The following SAE1 variants were observed in gnomAD, a reference collection of about 807,000 sequenced individuals.
SAE1 encodes the protein SUMO1 activating enzyme subunit 1.
A neutral mutation model predicts 40.6 loss-of-function variants in SAE1; 11 were observed. The observed-to-expected ratio is 0.27, with a 90% CI of 0.17 to 0.45. SAE1 has a LOEUF of 0.45. SAE1 is among the 20% of genes least tolerant of loss of function. SAE1 has a pLI of 1.00. For synonymous variants in SAE1, 155 were observed against 154.3 expected, an observed-to-expected ratio of 1.00 and a Z score of -0.03; for missense variants, 373 against 427.3, an observed-to-expected ratio of 0.87 and a Z score of 1.12.
intron 5 of SAE1, among the ~76,000 whole-genome samples, chr19:47,155,578 A>G (rs916206988): frequency 2.6e-5 from 4 of 151,808 alleles, no homozygotes; most frequent in Non-Finnish European, 5.9e-5. Flanking sequence ...CTCCTGCCTC[A>G]TCCTCCCAAG....
intron 7 of SAE1, 105 bp downstream of exon 7, chr19:47,197,482 C>A: frequency 2.1e-6 from 2 of 946,804 alleles, no homozygotes; most frequent in Non-Finnish European, 3.1e-6. Context: ...TCAGAGAGCA[C>A]CCTGCCACAT....
At chr19:47,185,539 C>T (rs553222022) in intron 6 of SAE1, among the ~76,000 whole-genome samples, 1 of 152,232 alleles carries the variant, frequency 6.6e-6, no homozygotes, top group East Asian at 1.9e-4. Context: ...CTCCTGACCT[C>T]AAGTAATCCT....
rs995624627 is a variant in SAE1, at chr19:47,186,258, A to AG, written c.734-10975_734-10974insG. ...CTGTCTCAAAAATAAAAATAAAAAA[A>AG]AAATAATAAAAGCTCATTGGAGCAT... On this transcript the variant is annotated intron_variant, in intron 6 of 8. Transcript: ENST00000270225. Among the ~76,000 whole-genome samples, 8 of 152,000 alleles carry AG rather than the reference A, an allele frequency of 5.3e-5. No individual in the cohort carries two copies. The East Asian group carries it at 1.6e-3, about 30-fold the overall frequency.
chr19:47,147,199 G>GTTTTTT (rs397859917), intron 2 of SAE1, among the ~76,000 whole-genome samples: 8 of 60,934 alleles, frequency 1.3e-4, no homozygotes, highest in African/African-American at 3.4e-4. Context: ...ATGTGTATGG[G>GTTTTTT]TTTTTTTTTT....
intron 1 of SAE1, among the ~76,000 whole-genome samples, chr19:47,132,811 C>T (rs755010598): frequency 2.6e-5 from 4 of 151,616 alleles, no homozygotes; most frequent in Non-Finnish European, 5.9e-5. Context: ...TCACCTGAGC[C>T]CCTGGGAGGT....
rs2058623004 is a variant in SAE1 at position 47,197,368 on chromosome 19, A to G, written c.869A>G (p.Asp290Gly). 1.2e-6 allele frequency: 2 copies of G among 1,612,342 alleles called. No individual in the cohort carries two copies. The highest frequency in any genetic ancestry group is 2.2e-5 in the South Asian group (2 of 90,566). ...ATTAGTCCTGACCTGCTTCCTGAGG[A>G]CTTTGTCAGGTTGGTGTCAGTATTT... ...LGISPDLLPE[D>G]FVRYCFSEMA... The change falls in exon 7 of 9, where the codon GAC (aspartate) becomes GGC (glycine). Residue 290 changes from aspartate (D) to glycine (G), a missense_variant. Transcript: ENST00000270225.
intron 1 of SAE1, among the ~76,000 whole-genome samples, chr19:47,132,890 A>AG (rs998614568): frequency 3.8e-5 from 3 of 79,478 alleles, no homozygotes; most frequent in African/African-American, 1.9e-4. Flanking sequence ...GCCCCGTCTC[A>AG]AAAAAAAAAA....
chr19:47,187,781 C>G (rs1474295394), intron 6 of SAE1, among the ~76,000 whole-genome samples: 1 of 152,174 alleles, frequency 6.6e-6, no homozygotes, highest in Non-Finnish European at 1.5e-5. Flanking sequence ...CTTGGCCTCT[C>G]AAAGTGCTGG....
At chr19:47,160,868 A>G (rs934385287) in intron 5 of SAE1, among the ~76,000 whole-genome samples, 4 of 152,202 alleles carry the variant, frequency 2.6e-5, no homozygotes, top group Non-Finnish European at 5.9e-5. Context: ...CTTGGTTCAA[A>G]GGAGTGGAAA....
chr19:47,159,631 T>C (rs2058346140), intron 5 of SAE1, among the ~76,000 whole-genome samples: 1 of 151,972 alleles, frequency 6.6e-6, no homozygotes, highest in African/African-American at 2.4e-5. Context: ...CACTGCTCAC[T>C]GCAGCCTCCC....
intron 6 of SAE1, among the ~76,000 whole-genome samples, chr19:47,189,046 C>T (rs1378084152): frequency 6.6e-6 from 1 of 152,196 alleles, no homozygotes; most frequent in African/African-American, 2.4e-5. Context: ...ATTCTGCCCT[C>T]GCCTGCCCAG....
intron 7 of SAE1, among the ~76,000 whole-genome samples, chr19:47,200,399 A>ATTTTTT (rs35657499): frequency 6.6e-3 from 675 of 102,310 alleles, no homozygotes; most frequent in African/African-American, 8.0e-3. Flanking sequence ...AGCCTGCCTA[A>ATTTTTT]TTTTTTTTTT....
At chr19:47,136,717 T>G (rs2058182766) in intron 1 of SAE1, among the ~76,000 whole-genome samples, 1 of 152,138 alleles carries the variant, frequency 6.6e-6, no homozygotes, top group African/African-American at 2.4e-5. Context: ...TGTGAACTCC[T>G]GACCTCAGGT....
intron 6 of SAE1, among the ~76,000 whole-genome samples, chr19:47,178,998 C>T (rs1172026260): frequency 1.3e-5 from 2 of 150,920 alleles, no homozygotes; most frequent in African/African-American, 4.9e-5. Flanking sequence ...TCGAGACCAT[C>T]CTGGCTGACA....
At chr19:47,171,972 T>G (rs143590449) in intron 6 of SAE1, among the ~76,000 whole-genome samples, 1 of 151,912 alleles carries the variant, frequency 6.6e-6, no homozygotes, top group South Asian at 2.1e-4. Context: ...CAGGCTGGAG[T>G]GCAGTGGTGC....
Position 47,150,360 on chromosome 19 carries a change from C to T in SAE1, c.369C>T (p.Phe123=). 1.2e-6 allele frequency: 2 copies of T among 1,602,414 alleles called. No individual in the cohort carries two copies. Among genetic ancestry groups the T allele is most frequent in the East Asian group, 2.2e-5 (1 of 44,634 alleles). ...EDIEKKPESF[F]TQFDAVCLTC... is the part of the protein sequence containing the mutation. ...TAGAGAAGAAACCAGAGTCATTTTT[C>T]ACTCAATTCGATGCTGTAAGTTTCT... Residue 123 remains phenylalanine (F), a synonymous_variant, in exon 3 of 9, where the codon TTC becomes TTT. Transcript: ENST00000270225.
chr19:47,162,569 T>A (rs2058365129), intron 5 of SAE1, among the ~76,000 whole-genome samples: 1 of 152,208 alleles, frequency 6.6e-6, no homozygotes, highest in African/African-American at 2.4e-5. Context: ...TTAAAGCTTT[T>A]TAAAGATTCT....
intron 6 of SAE1, among the ~76,000 whole-genome samples, chr19:47,179,370 G>A (rs1352751675): frequency 6.6e-6 from 1 of 151,388 alleles, no homozygotes; most frequent in Non-Finnish European, 1.5e-5. Flanking sequence ...AGCCAGACAT[G>A]GTGGCACACT....
chr19:47,171,620 T>G (rs2058433941), intron 6 of SAE1, among the ~76,000 whole-genome samples: 1 of 151,896 alleles, frequency 6.6e-6, no homozygotes, highest in Non-Finnish European at 1.5e-5. Context: ...CTTGGCTAAT[T>G]TTTTGTATTT....
Sources: allele counts gnomAD v4.1 joint callset (sites outside exome capture counted in the v4.1 genomes callset), GRCh38; gene constraint gnomAD v4.1.1; transcripts MANE v1.5; gene names NCBI Gene and HGNC (gene_info 2026-07-23, HGNC 2026-07-21).